Variants in KRR1 observed in about 807,000 individuals in gnomAD.
The protein encoded by KRR1 is KRR1 small subunit processome component homolog.
In KRR1, 23 loss-of-function variants were observed where a neutral mutation model predicts 50.0. The ratio of observed to expected loss-of-function variants is 0.46; its 90% CI spans 0.33 to 0.65. KRR1 has a LOEUF of 0.65. Ranked by LOEUF, KRR1 falls within the 30% of genes least tolerant of loss-of-function variation. KRR1 has a pLI of 0.02. For synonymous variants in KRR1, 133 were observed against 146.3 expected (o/e 0.91, Z 0.66); for missense variants, 419 against 442.4 (o/e 0.95, Z 0.47).
At chr12:75,509,615 G>T (rs1326391381) in intron 1 of KRR1, among the ~76,000 whole-genome samples, 5 of 148,446 alleles carry the variant, frequency 3.4e-5, no homozygotes, top group African/African-American at 1.0e-4. Flanking sequence ...TAAAGACAGG[G>T]CCTCGCTCTG....
intron 1 of KRR1, among the ~76,000 whole-genome samples, chr12:75,510,806 C>G (rs921756206): frequency 3.3e-5 from 5 of 152,146 alleles, no homozygotes; most frequent in Non-Finnish European, 7.4e-5. Flanking sequence ...TGAGCAACAA[C>G]AAAGAAACTT....
intron 2 of KRR1, 21 bp downstream of exon 2, chr12:75,508,253 A>T (rs1439898327): frequency 3.9e-6 from 6 of 1,547,446 alleles, no homozygotes; most frequent in Non-Finnish European, 5.2e-6. Context: ...AAATAAATGT[A>T]TTGATATAAG....
rs2046370912 is a variant in KRR1 at position 75,498,982 on chromosome 12, A to T, written c.*827T>A. The T allele has an allele frequency of 6.5e-7, 1 of 1,546,022 alleles. No individual in the cohort carries two copies. Among genetic ancestry groups the T allele is most frequent in the East Asian group, 2.3e-5 (1 of 43,622 alleles). On this transcript the variant is annotated 3_prime_UTR_variant, in exon 10 of 10. Transcript: ENST00000229214. ...TAATTTAGTTCTTTTGGACTAATAC[A>T]ATTCAGGAAAGAAAAAACCCAAAAA...
At chr12:75,508,947 G>T (rs1310048277) in intron 1 of KRR1, among the ~76,000 whole-genome samples, 1 of 152,140 alleles carries the variant, frequency 6.6e-6, no homozygotes, top group African/African-American at 2.4e-5. Context: ...GGTAATTCTA[G>T]ATTTTCCTAA....
rs1266385919 is a variant in KRR1 at position 75,498,615 on chromosome 12, A to AGACTT, written c.*1189_*1193dup. 1 of 1,151,072 alleles carries AGACTT rather than the reference A, an allele frequency of 8.7e-7. No homozygotes were observed. Among genetic ancestry groups the AGACTT allele is most frequent in the East Asian group, 2.4e-5 (1 of 42,292 alleles). 71.3% of individuals were successfully genotyped at this position (1,151,072 alleles called of 1,614,324 possible). A position where few individuals can be genotyped will look rare whatever the true frequency, so the allele number is the denominator to read the frequency against. ...AAGCAAGTTAATGGTCATAATTATA[A>AGACTT]GACTTAGCTTTTTAAAATAAAACTC... is the stretch of plus-strand genomic sequence containing the variant. On this transcript the variant is annotated 3_prime_UTR_variant, in exon 10 of 10. Transcript: ENST00000229214.
At chr12:75,511,423 G>A (rs1169751872) in intron 1 of KRR1, 90 bp downstream of exon 1, 11 of 1,120,560 alleles carry the variant, frequency 9.8e-6, no homozygotes, top group African/African-American at 3.1e-5. Flanking sequence ...CAGGCTCCAG[G>A]TGGTTTTATA....
Position 75,499,697 on chromosome 12 carries a change from C to CA in KRR1, c.*111_*112insT. ...ACTCTTCTATGAACAACCACCACCA[C>CA]CAAAAAAAAAAAAAGCCCTCAGAAA... On this transcript the variant is annotated 3_prime_UTR_variant, in exon 10 of 10. Coordinates refer to ENST00000229214, the MANE Select transcript of KRR1 (RefSeq NM_007043.7). 1.6e-6 allele frequency: 1 copy of CA among 608,792 alleles called. No homozygotes were observed. The highest frequency in any genetic ancestry group is 2.8e-5 in the South Asian group (1 of 35,212). 37.7% of individuals were successfully genotyped at this position (608,792 alleles called of 1,614,324 possible). A position where few individuals can be genotyped will look rare whatever the true frequency, so the allele number is the denominator to read the frequency against.
rs769201553 is a variant in KRR1 at position 75,511,579 on chromosome 12, C to G, written c.19G>C (p.Glu7Gln). MASPSL[E>Q]RPEKGAGKSE... ...TTTCCAGCGCCTTTTTCTGGCCGCT[C>G]CAGCGAGGGAGACGCCATTTGCAAG... is the stretch of plus-strand genomic sequence containing the variant. The change falls in exon 1 of 10, where the codon GAG becomes CAG. Residue 7 changes from glutamate to glutamine, a missense_variant. Physicochemically the swap from Glu to Gln is conservative, Grantham distance 29 (BLOSUM62 2). Transcript: ENST00000229214. 9.9e-6 allele frequency: 16 copies of G among 1,613,944 alleles called. No individual in the cohort carries two copies. The Admixed American group carries it at 2.7e-4, about 27-fold the overall frequency.
At chr12:75,503,883 A>G in intron 7 of KRR1, 21 bp downstream of exon 7, 1 of 1,566,118 alleles carries the variant, frequency 6.4e-7, no homozygotes, top group African/African-American at 1.4e-5. Flanking sequence ...CTTCATATGA[A>G]GTTCTACATT....
chr12:75,511,555 T>C lies in KRR1; in HGVS notation c.43A>G (p.Lys15Glu), dbSNP rs763247888. The C allele has an allele frequency of 2.0e-5, 33 of 1,614,024 alleles. No individual in the cohort carries two copies. In the South Asian group the frequency reaches 3.4e-4, roughly 17 times the overall value. Residue 15 changes from lysine (K) to glutamate (E), a missense_variant, in exon 1 of 10, where the codon AAA (lysine) becomes GAA (glutamate). By Grantham distance (56) the Lys-to-Glu change is moderately conservative. Transcript: ENST00000229214. ...GGCTTCTGGTTACGAAATTCACTTTTTCCAGCGCCTTTTTCTGGCCGCTCC... is the reference window on the plus strand; with the variant it reads ...GGCTTCTGGTTACGAAATTCACTTTCTCCAGCGCCTTTTTCTGGCCGCTCC... ...SLERPEKGAGKSEFRNQKPKP... is the reference protein window; with the variant it reads ...SLERPEKGAGESEFRNQKPKP...
In KRR1 at chr12:75,498,985, T is replaced by TCAGGAAAGAAAA; in HGVS notation, c.*812_*823dup. On this transcript the variant is annotated 3_prime_UTR_variant, in exon 10 of 10. Transcript: ENST00000229214. ...TTTAGTTCTTTTGGACTAATACAAT[T>TCAGGAAAGAAAA]CAGGAAAGAAAAAACCCAAAAACCA... 6.5e-7 allele frequency: 1 copy of TCAGGAAAGAAAA among 1,544,506 alleles called. No individual in the cohort carries two copies. Among genetic ancestry groups the TCAGGAAAGAAAA allele is most frequent in the South Asian group, 1.3e-5 (1 of 79,946 alleles).
At position 75,506,351 on chromosome 12, in the gene KRR1, C is replaced by T. The variant is rs1208433509; in HGVS notation, c.568G>A (p.Val190Ile). 6.8e-6 allele frequency: 11 copies of T among 1,611,928 alleles called. No homozygotes were observed. The highest frequency in any genetic ancestry group is 1.7e-5 in the Admixed American group (1 of 59,834). ...NCYIMVQGNT[V>I]SAIGPFSGLK... ...CCACTAAAAGGTCCAATGGCTGAAA[C>T]TGTGTTTCCCTGAACCATAATGTAA... Residue 190 changes from valine to isoleucine, a missense_variant, in exon 5 of 10, where the codon GTT becomes ATT. Transcript: ENST00000229214.
At chr12:75,502,103 C>A in intron 7 of KRR1, 103 bp from the exon 8 acceptor site, 1 of 865,050 alleles carries the variant, frequency 1.2e-6, no homozygotes, top group East Asian at 2.4e-5. Flanking sequence ...TGGGGTCAAA[C>A]TGATTTATTA....
rs2046353299 is a variant in KRR1, at chr12:75,496,634, G to GT, written c.*3174dup. ...GCTGTGCAAAGCCTGTGGTACTTTC[G>GT]TGTCCATATTTGTAACAAACTGAAC... On this transcript the variant is annotated 3_prime_UTR_variant, in exon 10 of 10. Transcript: ENST00000229214. The GT allele has an allele frequency of 6.6e-6, 1 of 152,014 alleles. No homozygotes were observed. Among genetic ancestry groups the GT allele is most frequent in the Admixed American group, 6.6e-5 (1 of 15,246 alleles). The allele number at this position is 152,014 out of a possible 1,614,324, so 9.4% of individuals were successfully genotyped here.
intron 6 of KRR1, among the ~76,000 whole-genome samples, chr12:75,504,786 A>G (rs1341799120): frequency 1.3e-5 from 2 of 152,152 alleles, no homozygotes; most frequent in East Asian, 3.9e-4. Context: ...TGAGTGTTAA[A>G]TTCATAAAAA....
In KRR1 at chr12:75,498,979, T is replaced by C; in HGVS notation, c.*830A>G. ...CCCTAATTTAGTTCTTTTGGACTAA[T>C]ACAATTCAGGAAAGAAAAAACCCAA... On this transcript the variant is annotated 3_prime_UTR_variant, in exon 10 of 10. Coordinates refer to ENST00000229214, the MANE Select transcript of KRR1 (RefSeq NM_007043.7). 6.4e-7 allele frequency: 1 copy of C among 1,560,102 alleles called. No homozygotes were observed. The highest frequency in any genetic ancestry group is 8.6e-7 in the Non-Finnish European group (1 of 1,158,320).
chr12:75,509,256 A>C (rs1300226871), intron 1 of KRR1, among the ~76,000 whole-genome samples: 1 of 152,206 alleles, frequency 6.6e-6, no homozygotes, highest in Non-Finnish European at 1.5e-5. Context: ...ATAGACTTGC[A>C]GTATCAGCAC....
At chr12:75,507,384 G>GA (rs1180592661) in intron 2 of KRR1, among the ~76,000 whole-genome samples, 2 of 152,020 alleles carry the variant, frequency 1.3e-5, no homozygotes, top group African/African-American at 4.8e-5. Context: ...CATAGTTTCA[G>GA]AAAAAAGCAA....
intron 2 of KRR1, 81 bp downstream of exon 2, chr12:75,508,193 A>G (rs2046431265): frequency 9.9e-7 from 1 of 1,008,066 alleles, no homozygotes; most frequent in Admixed American, 3.4e-5. Flanking sequence ...AAAAAAAAAA[A>G]AAAGCATTAG....
Sources: gnomAD v4.1 joint callset for allele counts (sites outside exome capture counted in the v4.1 genomes callset) on GRCh38, gnomAD v4.1.1 for gene constraint, MANE v1.5 for transcripts, NCBI Gene and HGNC (gene_info 2026-07-23, HGNC 2026-07-21) for gene names.